Variants in CORO6 observed in about 807,000 individuals in gnomAD.
The protein encoded by CORO6 is coronin-6.
In CORO6, 43 loss-of-function variants were observed where a neutral mutation model predicts 49.0. The ratio of observed to expected loss-of-function variants is 0.88; its 90% CI spans 0.69 to 1.13. CORO6 has a LOEUF of 1.13. CORO6 is among the 50% of genes most tolerant of loss of function. CORO6 has a pLI of 0.00. For missense variants in CORO6, 650 were observed against 647.0 expected, an observed-to-expected ratio of 1.00 and a Z score of -0.05; for synonymous variants, 233 against 256.5, an observed-to-expected ratio of 0.91 and a Z score of 0.88.
chr17:29,620,407 T>C (rs11871271), intron 2 of CORO6, among the ~76,000 whole-genome samples: 2,290 of 152,180 alleles, frequency 0.015, 32 homozygotes, highest in Non-Finnish European at 0.021. Context: ...AGCAGACATA[T>C]TGGGGGAGGA....
In CORO6 at chr17:29,616,573, C is replaced by T; in HGVS notation, c.1004+129G>A. 1 of 1,276,062 alleles carries T rather than the reference C, an allele frequency of 7.8e-7. No homozygotes were observed. The highest frequency in any genetic ancestry group is 1.1e-6 in the Non-Finnish European group (1 of 912,720). The allele number at this position is 1,276,062 out of a possible 1,614,324, so 79.0% of individuals were successfully genotyped here. A position where few individuals can be genotyped will look rare whatever the true frequency, so the allele number is the denominator to read the frequency against. ...GTGAGCGGTGGGTCTGGCACTGAAA[C>T]AGAGCTGTCTTATCCCCCCGCCCCG... On this transcript the variant is annotated intron_variant, in intron 8 of 10. Transcript: ENST00000388767. The surrounding 1 kb of genome is among the most constrained non-coding windows in gnomAD (Gnocchi z 5.6).
In CORO6 at chr17:29,615,533, C is replaced by T. The variant is rs547496704; in HGVS notation, c.*199G>A. Reference sequence around the variant, plus strand: ...CTCCAGCCGAGTCCCAGACGAGGCTCGCAGTCCAGCCTCCGCTGGAGCGAC... The same window carrying T: ...CTCCAGCCGAGTCCCAGACGAGGCTTGCAGTCCAGCCTCCGCTGGAGCGAC... On this transcript the variant is annotated 3_prime_UTR_variant, in exon 11 of 11. Transcript: ENST00000388767. The T allele has an allele frequency of 7.0e-4, 411 of 583,848 alleles. 4 individuals are homozygous for T. The highest frequency in any genetic ancestry group is 5.4e-3 in the South Asian group (217 of 40,060). 36.2% of individuals were successfully genotyped at this position (583,848 alleles called of 1,614,324 possible).
chr17:29,620,186 C>G (rs1278966392), intron 2 of CORO6, among the ~76,000 whole-genome samples: 1 of 152,248 alleles, frequency 6.6e-6, no homozygotes, highest in African/African-American at 2.4e-5. Context: ...TTCCTGGCCT[C>G]CCTTGGCAGA....
chr17:29,615,778 G>A lies in CORO6; in HGVS notation c.1373C>T (p.Thr458Met). ...ERVQAQEQRI[T>M]ALENMLCELV... ...CTCGCACAGCATGTTCTCCAGAGCC[G>A]TGATGCGCTGCTCCTGGGCCTGCAC... The change falls in exon 11 of 11, where the codon ACG becomes ATG. Residue 458 changes from threonine to methionine, a missense_variant. Coordinates refer to ENST00000388767, the MANE Select transcript of CORO6 (RefSeq NM_032854.4). The A allele has an allele frequency of 6.4e-7, 1 of 1,556,438 alleles. No individual in the cohort carries two copies. Among genetic ancestry groups the A allele is most frequent in the Non-Finnish European group, 8.7e-7 (1 of 1,150,902 alleles).
In CORO6 at chr17:29,622,730, C is replaced by G. The variant is rs755607659; in HGVS notation, c.-106G>C. ...GCGGGGCGCTCACGCTGCGAATCCT[C>G]TGCGGAAGGGGCCCGAGTGCGTAGG... is the stretch of plus-strand genomic sequence containing the variant. On this transcript the variant is annotated 5_prime_UTR_variant, in exon 1 of 11. Transcript: ENST00000388767. 3.6e-5 allele frequency: 47 copies of G among 1,311,698 alleles called. No homozygotes were observed. The African/African-American group carries it at 6.4e-4, about 18-fold the overall frequency. The allele number at this position is 1,311,698 out of a possible 1,614,324, so 81.3% of individuals were successfully genotyped here. A position where few individuals can be genotyped will look rare whatever the true frequency, so the allele number is the denominator to read the frequency against.
chr17:29,617,237 T>G, intron 6 of CORO6, 195 bp from the exon 7 acceptor site: 11 of 1,535,912 alleles, frequency 7.2e-6, no homozygotes, highest in Non-Finnish European at 8.7e-6. Flanking sequence ...CCCCTGCACA[T>G]ATACCCGCTG....
rs542804592 is a variant in CORO6, at chr17:29,622,867, G to A, written c.-243C>T. ...CCGATCCTGCGGCTCTCTAGAGCCC[G>A]GCGCCGCTGCAGCCCCAGCTGCCGC... On this transcript the variant is annotated 5_prime_UTR_variant, in exon 1 of 11. Transcript: ENST00000388767. 3.0e-5 allele frequency: 39 copies of A among 1,296,090 alleles called. No individual in the cohort carries two copies. The Middle Eastern group carries it at 9.5e-4, about 31-fold the overall frequency. 80.3% of individuals were successfully genotyped at this position (1,296,090 alleles called of 1,614,324 possible).
Position 29,621,439 on chromosome 17 carries a change from T to G in CORO6, c.-18A>C, listed in dbSNP as rs1567811814. 2.5e-6 allele frequency: 4 copies of G among 1,587,198 alleles called. No homozygotes were observed. Among genetic ancestry groups the G allele is most frequent in the Middle Eastern group, 1.7e-4 (1 of 6,034 alleles). ...CTGCTCATAGCTGCAGGCAGAGAGG[T>G]AGGATCTCAGTGCCCAGAAATGCCT... On this transcript the variant is annotated 5_prime_UTR_variant, in exon 2 of 11. Transcript: ENST00000388767. The surrounding 1 kb of genome is among the most constrained non-coding windows in gnomAD (Gnocchi z 4.2).
chr17:29,616,654 TG>T lies in CORO6; in HGVS notation c.1004+47del, dbSNP rs1271673212. On this transcript the variant is annotated intron_variant, in intron 8 of 10. Coordinates refer to ENST00000388767, the MANE Select transcript of CORO6 (RefSeq NM_032854.4). This position sits in a 1 kb window ranked among gnomAD's most constrained non-coding sequence, Gnocchi z 5.6. ...CCCCGTGGCTAGGACCCGACATGAG[TG>T]GGGGACAGAGGCGGGTAGGTGTTCA... The T allele has an allele frequency of 6.3e-7, 1 of 1,595,478 alleles. No homozygotes were observed. The highest frequency in any genetic ancestry group is 1.3e-5 in the African/African-American group (1 of 74,428).
intron 2 of CORO6, 76 bp from the exon 3 acceptor site, chr17:29,619,849 A>G: frequency 1.5e-6 from 2 of 1,350,850 alleles, no homozygotes; most frequent in Admixed American, 1.8e-5. Flanking sequence ...ATCTGCTTAC[A>G]TCTCGATTCC....
chr17:29,615,997 C>T lies in CORO6; in HGVS notation c.1241G>A (p.Arg414His), dbSNP rs558798899. Residue 414 changes from arginine to histidine, a missense_variant, in exon 10 of 11, where the codon CGC (arginine) becomes CAC (histidine). Coordinates refer to ENST00000388767, the MANE Select transcript of CORO6 (RefSeq NM_032854.4). Reference protein sequence around the residue: ...RVTKRNILDVRPPSGPRRSQS... With the variant: ...RVTKRNILDVHPPSGPRRSQS... ...GCTGCGGCGGGGGCCGGAGGGCGGGCGCACGTCCAGGATGTTGCGCTTCGT... is the reference window on the plus strand; with the variant it reads ...GCTGCGGCGGGGGCCGGAGGGCGGGTGCACGTCCAGGATGTTGCGCTTCGT... 88 of 1,586,778 alleles carry T rather than the reference C, an allele frequency of 5.5e-5. No homozygotes were observed. The highest frequency in any genetic ancestry group is 7.0e-5 in the Non-Finnish European group (81 of 1,164,830).
intron 5 of CORO6, chr17:29,618,117 G>C: frequency 1.4e-6 from 2 of 1,434,930 alleles, no homozygotes; most frequent in South Asian, 2.8e-5. Flanking sequence ...TCCCGTCTGC[G>C]GTGAAGACAG....
chr17:29,619,568 C>G (rs1255793240), intron 3 of CORO6, 83 bp downstream of exon 3: 1 of 1,407,384 alleles, frequency 7.1e-7, no homozygotes, highest in Non-Finnish European at 1.0e-6. Context: ...TTATTACCAC[C>G]CTTAGCACCT....
intron 1 of CORO6, 75 bp downstream of exon 1, chr17:29,622,613 C>G (rs996588563): frequency 2.3e-6 from 2 of 851,080 alleles, no homozygotes; most frequent in Non-Finnish European, 3.1e-6. Context: ...GGGGAGGAGG[C>G]GCAGACCTCT....
In CORO6 at chr17:29,616,692, G is replaced by A; in HGVS notation, c.1004+10C>T. On this transcript the variant is annotated intron_variant, in intron 8 of 10. Transcript: ENST00000388767. This position sits in a 1 kb window ranked among gnomAD's most constrained non-coding sequence, Gnocchi z 5.6. The stretch of plus-strand genomic sequence containing the variant: ...CGGGTAGGTGTTCAGGAGGGGCCAA[G>A]GCTGCTGACCGGGCGATCTCACACT... 2 of 1,610,056 alleles carry A rather than the reference G, an allele frequency of 1.2e-6. No homozygotes were observed. Among genetic ancestry groups the A allele is most frequent in the South Asian group, 1.1e-5 (1 of 91,010 alleles).
At position 29,616,753 on chromosome 17, in the gene CORO6, A is replaced by C; in HGVS notation, c.953T>G (p.Met318Arg). The C allele has an allele frequency of 6.2e-7, 1 of 1,613,766 alleles. No homozygotes were observed. Among genetic ancestry groups the C allele is most frequent in the Non-Finnish European group, 8.5e-7 (1 of 1,179,916 alleles). The part of the protein sequence containing the change: ...TFSSKEPQRG[M>R]GFMPKRGLDV... ...CAGTCCCCTTTTGGGCATGAAACCC[A>C]TGCCCCGCTGCGGCTCTTTGCTGCT... The change falls in exon 8 of 11, where the codon ATG (methionine) becomes AGG (arginine). Residue 318 changes from methionine to arginine, a missense_variant. Met to Arg is a moderately conservative substitution (Grantham distance 91). Transcript: ENST00000388767. This position sits in a 1 kb window ranked among gnomAD's most constrained non-coding sequence, Gnocchi z 5.6.
intron 1 of CORO6, among the ~76,000 whole-genome samples, chr17:29,622,445 G>A (rs914205343): frequency 6.6e-6 from 1 of 152,218 alleles, no homozygotes; most frequent in Non-Finnish European, 1.5e-5. Flanking sequence ...GCGGCCCCGA[G>A]CCTGAGGCCC....
At position 29,621,489 on chromosome 17, in the gene CORO6, G is replaced by C; in HGVS notation, c.-63-5C>G. ...TTTGGTCCTTAGTCCTGTGAGCTGC[G>C]GGAGGGAGGAGGAGTGGAGGGGTGG... is the stretch of plus-strand genomic sequence containing the variant. On this transcript the variant is annotated splice_polypyrimidine_tract_variant and splice_region_variant and intron_variant, in intron 1 of 10. Transcript: ENST00000388767. This position sits in a 1 kb window ranked among gnomAD's most constrained non-coding sequence, Gnocchi z 4.2. 2.6e-6 allele frequency: 4 copies of C among 1,544,616 alleles called. No individual in the cohort carries two copies. Among genetic ancestry groups the C allele is most frequent in the Admixed American group, 3.9e-5 (2 of 51,024 alleles).
rs1451780364 is a variant in CORO6, at chr17:29,621,033, C to A, written c.198+191G>T. 1.3e-5 allele frequency among the ~76,000 whole-genome samples: 2 copies of A among 152,000 alleles called. No homozygotes were observed. Among genetic ancestry groups the A allele is most frequent in the Non-Finnish European group, 2.9e-5 (2 of 67,978 alleles). ...GGGAGGGCTAGGGAGTGGGAGTAAG[C>A]CACCCTGATGTTAGGGTGGGGTGGG... On this transcript the variant is annotated intron_variant, in intron 2 of 10. Transcript: ENST00000388767. This position sits in a 1 kb window ranked among gnomAD's most constrained non-coding sequence, Gnocchi z 4.2.
Sources: gnomAD v4.1 joint callset for allele counts (sites outside exome capture counted in the v4.1 genomes callset) on GRCh38, gnomAD v4.1.1 for gene constraint, Gnocchi (gnomAD v3.1) non-coding constraint, MANE v1.5 for transcripts, NCBI Gene and HGNC (gene_info 2026-07-23, HGNC 2026-07-21) for gene names.